The following LRFN2 variants were observed in gnomAD, a reference collection of about 807,000 sequenced individuals.
LRFN2 encodes the protein leucine-rich repeat and fibronectin type-III domain-containing protein 2.
Under a neutral mutation model 37.3 loss-of-function variants are expected in LRFN2, and 18 were observed. The observed-to-expected ratio is 0.48, with a 90% CI of 0.33 to 0.72. LRFN2 has a LOEUF of 0.72. Ranked by LOEUF, LRFN2 falls within the 30% of genes least tolerant of loss-of-function variation. LRFN2 has a pLI of 0.02. For synonymous variants in LRFN2, 556 were observed against 466.6 expected, an observed-to-expected ratio of 1.19 and a Z score of -2.47; for missense variants, 1,006 against 1,060.7, an observed-to-expected ratio of 0.95 and a Z score of 0.72.
intron 1 of LRFN2, among the ~76,000 whole-genome samples, chr6:40,550,453 T>A (rs746976186): frequency 6.6e-6 from 1 of 152,122 alleles, no homozygotes; most frequent in African/African-American, 2.4e-5. Flanking sequence ...CCCATCCTCA[T>A]CCAGTAGGGG....
intron 1 of LRFN2, among the ~76,000 whole-genome samples, chr6:40,474,480 TTTTTG>T (rs200132714): frequency 1.3e-5 from 2 of 152,072 alleles, no homozygotes; most frequent in African/African-American, 4.8e-5. Context: ...ATCCATTTAT[TTTTTG>T]TTTTGTTTTG....
chr6:40,464,737 G>A (rs1186573583), intron 1 of LRFN2, among the ~76,000 whole-genome samples: 2 of 152,060 alleles, frequency 1.3e-5, no homozygotes, highest in Non-Finnish European at 2.9e-5. Flanking sequence ...GAGTCAGTGG[G>A]CTATGGAAGA....
chr6:40,566,532 C>T (rs1172057398), intron 1 of LRFN2, among the ~76,000 whole-genome samples: 2 of 151,794 alleles, frequency 1.3e-5, no homozygotes, highest in Admixed American at 6.6e-5. Flanking sequence ...GGCACATATA[C>T]ACCATGGAAT....
At chr6:40,497,071 G>A (rs552756228) in intron 1 of LRFN2, among the ~76,000 whole-genome samples, 1 of 152,268 alleles carries the variant, frequency 6.6e-6, no homozygotes, top group East Asian at 1.9e-4. Context: ...ACCTGGCTCT[G>A]CCAAAACAGG....
At chr6:40,512,238 C>T (rs150374764) in intron 1 of LRFN2, among the ~76,000 whole-genome samples, 243 of 152,302 alleles carry the variant, frequency 1.6e-3, no homozygotes, top group African/African-American at 5.5e-3. Context: ...CCTCCAGTCT[C>T]CCTTTGCCTG....
intron 1 of LRFN2, among the ~76,000 whole-genome samples, chr6:40,488,088 A>C (rs1333667736): frequency 6.6e-6 from 1 of 152,168 alleles, no homozygotes; most frequent in Non-Finnish European, 1.5e-5. Context: ...ACGAAAGCCA[A>C]CCAAAAAAGG....
At chr6:40,455,170 G>A (rs1221976677) in intron 1 of LRFN2, among the ~76,000 whole-genome samples, 2 of 152,146 alleles carry the variant, frequency 1.3e-5, no homozygotes, top group African/African-American at 4.8e-5. Flanking sequence ...TTATTCTCAT[G>A]GTTTCTGCCT....
At position 40,480,312 on chromosome 6, in the gene LRFN2, C is replaced by T. The variant is rs1369162672; in HGVS notation, c.-18-47181G>A. Among the ~76,000 whole-genome samples, 3 of 152,150 alleles carry T rather than the reference C, an allele frequency of 2.0e-5. No individual in the cohort carries two copies. The East Asian group carries it at 5.8e-4, about 29-fold the overall frequency. ...TTCTTTTTTGAGATGAGGTTTTGCTCTTTCACCCAGACTGCAGGGCAGTGG... is the reference window on the plus strand; with the variant it reads ...TTCTTTTTTGAGATGAGGTTTTGCTTTTTCACCCAGACTGCAGGGCAGTGG... On this transcript the variant is annotated intron_variant, in intron 1 of 2. Transcript: ENST00000338305.
Position 40,441,669 on chromosome 6 carries a change from C to T in LRFN2, c.-18-8538G>A, listed in dbSNP as rs138668816. 4.9e-3 allele frequency among the ~76,000 whole-genome samples: 741 copies of T among 152,252 alleles called. 2 individuals carry two copies. The highest frequency in any genetic ancestry group is 0.028 in the South Asian group (137 of 4,812). On this transcript the variant is annotated intron_variant, in intron 1 of 2. Coordinates refer to ENST00000338305, the MANE Select transcript of LRFN2 (RefSeq NM_020737.3). ...CAACCCACAGGCTGGCAGCTCTCAG[C>T]GTCATTTTAGACCTTGGGCTGCTCC...
At chr6:40,509,179 C>T (rs1765625320) in intron 1 of LRFN2, among the ~76,000 whole-genome samples, 1 of 152,254 alleles carries the variant, frequency 6.6e-6, no homozygotes, top group South Asian at 2.1e-4. Context: ...ACACACTCCA[C>T]ATAACTTCCT....
intron 2 of LRFN2, among the ~76,000 whole-genome samples, chr6:40,419,924 A>C (rs1763181977): frequency 6.6e-6 from 1 of 152,228 alleles, no homozygotes; most frequent in South Asian, 2.1e-4. Context: ...GCTAATTGCT[A>C]AACTGAGAAG....
At chr6:40,399,336 G>A (rs866666246) in intron 2 of LRFN2, among the ~76,000 whole-genome samples, 27 of 151,102 alleles carry the variant, frequency 1.8e-4, no homozygotes, top group African/African-American at 6.6e-4. Context: ...CTGCTCCCAT[G>A]CTCACTGCCC....
intron 2 of LRFN2, among the ~76,000 whole-genome samples, chr6:40,420,044 C>T (rs754165850): frequency 9.9e-5 from 15 of 152,224 alleles, no homozygotes; most frequent in Non-Finnish European, 1.8e-4. Context: ...ACAATGCAAT[C>T]GGAGTTCATT....
At chr6:40,488,099 C>G in intron 1 of LRFN2, among the ~76,000 whole-genome samples, 1 of 152,122 alleles carries the variant, frequency 6.6e-6, no homozygotes. Context: ...CCAAAAAAGG[C>G]CATAAAGTCA....
chr6:40,436,887 G>T (rs538585355), intron 1 of LRFN2, among the ~76,000 whole-genome samples: 21 of 152,086 alleles, frequency 1.4e-4, no homozygotes, highest in Non-Finnish European at 2.4e-4. Context: ...TCTGGCTACG[G>T]CATCTGCTCA....
At chr6:40,442,674 A>AGCCC (rs1308983515) in intron 1 of LRFN2, among the ~76,000 whole-genome samples, 4 of 152,172 alleles carry the variant, frequency 2.6e-5, no homozygotes, top group African/African-American at 9.6e-5. Context: ...GCTCCATCAG[A>AGCCC]CAGAGCTGTA....
At position 40,432,065 on chromosome 6, in the gene LRFN2, G is replaced by A; in HGVS notation, c.1049C>T (p.Thr350Ile). 1 of 1,614,134 alleles carries A rather than the reference G, an allele frequency of 6.2e-7. No individual in the cohort carries two copies. Among genetic ancestry groups the A allele is most frequent in the Non-Finnish European group, 8.5e-7 (1 of 1,180,040 alleles). ...GGTGAAGGCACCACTGTCCTGAGATGTGGTGATGAAGATGTCCAGGGTGCC... is the reference window on the plus strand; with the variant it reads ...GGTGAAGGCACCACTGTCCTGAGATATGGTGATGAAGATGTCCAGGGTGCC... ...DNGTLDIFITTSQDSGAFTCI... is the reference protein window; with the variant it reads ...DNGTLDIFITISQDSGAFTCI... Residue 350 changes from threonine to isoleucine, a missense_variant, in exon 2 of 3, where the codon ACA becomes ATA. This residue lies in a region of LRFN2 where 303 missense variants were observed against 299.8 expected (regional missense o/e 1.01). Coordinates refer to ENST00000338305, the MANE Select transcript of LRFN2 (RefSeq NM_020737.3).
At chr6:40,519,510 T>A (rs568317325) in intron 1 of LRFN2, among the ~76,000 whole-genome samples, 1 of 152,218 alleles carries the variant, frequency 6.6e-6, no homozygotes, top group Admixed American at 6.5e-5. Context: ...AGGCTTCAGA[T>A]TCAAGAGACC....
At chr6:40,522,198 A>G (rs891482618) in intron 1 of LRFN2, among the ~76,000 whole-genome samples, 1 of 152,156 alleles carries the variant, frequency 6.6e-6, no homozygotes, top group African/African-American at 2.4e-5. Context: ...GAAAAACTAA[A>G]TGGCAATGTG....
Sources: allele counts gnomAD v4.1 joint callset (sites outside exome capture counted in the v4.1 genomes callset), GRCh38; gene constraint gnomAD v4.1.1; regional missense constraint gnomAD v4.1.1; transcripts MANE v1.5; gene names NCBI Gene and HGNC (gene_info 2026-07-23, HGNC 2026-07-21).